The following PPP1R16B variants were observed in gnomAD, a reference collection of about 807,000 sequenced individuals.
PPP1R16B encodes protein phosphatase 1 regulatory inhibitor subunit 16B.
A neutral mutation model predicts 61.7 loss-of-function variants in PPP1R16B; 14 were observed. That is an observed-to-expected ratio of 0.23 (90% confidence interval 0.15 to 0.35). The LOEUF (loss-of-function observed/expected upper bound fraction) is 0.35, where lower values mean the gene tolerates loss of function less well. Ranked by LOEUF, PPP1R16B falls within the 10% of genes least tolerant of loss-of-function variation. The pLI, the probability that PPP1R16B is intolerant of heterozygous loss-of-function variation, is 1.00. For synonymous variants in PPP1R16B, 266 were observed against 305.3 expected, an observed-to-expected ratio of 0.87 and a Z score of 1.34; for missense variants, 547 against 752.5, an observed-to-expected ratio of 0.73 and a Z score of 3.19.
At chr20:38,901,256 C>A (rs1160828731) in intron 5 of PPP1R16B, among the ~76,000 whole-genome samples, 1 of 152,196 alleles carries the variant, frequency 6.6e-6, no homozygotes, top group Non-Finnish European at 1.5e-5. Flanking sequence ...CAGCTGCAGT[C>A]CTGCCCTGGC....
chr20:38,885,373 A>G (rs553584077), intron 2 of PPP1R16B, among the ~76,000 whole-genome samples: 3 of 152,154 alleles, frequency 2.0e-5, no homozygotes, highest in South Asian at 2.1e-4. Context: ...GAACTCTTCT[A>G]TCTTCAAGTA....
chr20:38,859,285 G>C (rs1295838461), intron 2 of PPP1R16B, among the ~76,000 whole-genome samples: 1 of 151,886 alleles, frequency 6.6e-6, no homozygotes, highest in East Asian at 1.9e-4. Context: ...GACTGCTAGT[G>C]CGGGTTCCTT....
At chr20:38,846,556 T>C (rs1314789166) in intron 2 of PPP1R16B, among the ~76,000 whole-genome samples, 1 of 152,246 alleles carries the variant, frequency 6.6e-6, no homozygotes, top group Non-Finnish European at 1.5e-5. Flanking sequence ...TATCTTTATA[T>C]ACTCTTTGGA....
chr20:38,917,220 C>T (rs1168457409), intron 10 of PPP1R16B, among the ~76,000 whole-genome samples: 9 of 150,768 alleles, frequency 6.0e-5, no homozygotes, highest in East Asian at 2.0e-4. Context: ...TGCTTGAACC[C>T]GGGAGGCAGA....
intron 2 of PPP1R16B, among the ~76,000 whole-genome samples, chr20:38,856,531 C>T (rs2085009980): frequency 6.6e-6 from 1 of 152,172 alleles, no homozygotes. Flanking sequence ...GCTCTCTCTT[C>T]TCTCAGCCCC....
intron 1 of PPP1R16B, among the ~76,000 whole-genome samples, chr20:38,833,047 C>CGATGCA (rs1462429028): frequency 6.6e-6 from 1 of 151,870 alleles, no homozygotes; most frequent in Non-Finnish European, 1.5e-5. Flanking sequence ...AAACTGGAAA[C>CGATGCA]GATGCAGATG....
At chr20:38,812,422 GA>G in intron 1 of PPP1R16B, among the ~76,000 whole-genome samples, 1 of 152,328 alleles carries the variant, frequency 6.6e-6, no homozygotes, top group Non-Finnish European at 1.5e-5. Flanking sequence ...ACAGCAATGT[GA>G]TAGGCCTTGG....
In PPP1R16B at chr20:38,907,337, GGATGGATGGATA is replaced by G. The variant is rs2085452254; in HGVS notation, c.898+286_898+297del. Reference sequence around the variant, plus strand: ...TGGATGGATGGATGGATGGATGGATGGATGGATGGATAGACAGAAAAATAAGTGGATGAGTGG... The same window carrying G: ...TGGATGGATGGATGGATGGATGGATGGACAGAAAAATAAGTGGATGAGTGG... On this transcript the variant is annotated intron_variant, in intron 8 of 10. Transcript: ENST00000299824. The surrounding 1 kb of genome is among the most constrained non-coding windows in gnomAD (Gnocchi z 4.5). 6.7e-6 allele frequency among the ~76,000 whole-genome samples: 1 copy of G among 150,046 alleles called. No individual in the cohort carries two copies. Among genetic ancestry groups the G allele is most frequent in the African/African-American group, 2.5e-5 (1 of 39,510 alleles).
rs2084695453 is a variant in PPP1R16B at position 38,810,723 on chromosome 20, C to CA, written c.-102+4932dup. Among the ~76,000 whole-genome samples the CA allele has an allele frequency of 2.6e-5, 4 of 152,258 alleles. No individual in the cohort carries two copies. The South Asian group carries it at 8.3e-4, about 32-fold the overall frequency. On this transcript the variant is annotated intron_variant, in intron 1 of 10. Transcript: ENST00000299824. Reference sequence around the variant, plus strand: ...TGTCAAAGGTCTTTACTTGCATCGCCATTGAATTCTCATACCAATCCGTTG... The same window carrying CA: ...TGTCAAAGGTCTTTACTTGCATCGCCAATTGAATTCTCATACCAATCCGTTG...
intron 2 of PPP1R16B, among the ~76,000 whole-genome samples, chr20:38,887,144 ATGAT>A: frequency 6.6e-6 from 1 of 152,210 alleles, no homozygotes; most frequent in South Asian, 2.1e-4. Flanking sequence ...GGATGGATGA[ATGAT>A]TGAGTCTCCC....
At chr20:38,866,129 A>G (rs1362508050) in intron 2 of PPP1R16B, among the ~76,000 whole-genome samples, 1 of 143,058 alleles carries the variant, frequency 7.0e-6, no homozygotes, top group Non-Finnish European at 1.5e-5. Context: ...TGTCTCGGAG[A>G]AAAAAAAAAT....
intron 1 of PPP1R16B, among the ~76,000 whole-genome samples, chr20:38,820,077 G>T (rs188137492): frequency 4.6e-5 from 7 of 152,276 alleles, no homozygotes; most frequent in Non-Finnish European, 8.8e-5. Context: ...CACTGTTTGC[G>T]AGAGTCATCC....
At chr20:38,855,933 TATATATATATAGAGAGAG>T (rs1338784603) in intron 2 of PPP1R16B, among the ~76,000 whole-genome samples, 3 of 48,330 alleles carry the variant, frequency 6.2e-5, no homozygotes, top group African/African-American at 3.6e-4. Flanking sequence ...TATATATATA[TATATATATATAGAGAGAG>T]AGAGAGAGAG....
chr20:38,908,243 G>T (rs1370670243), intron 10 of PPP1R16B, 50 bp downstream of exon 10: 3 of 1,605,732 alleles, frequency 1.9e-6, no homozygotes, highest in Non-Finnish European at 2.6e-6. Context: ...AATGGGAGGA[G>T]AACAGGGCCC....
chr20:38,859,268 G>A (rs369700099), intron 2 of PPP1R16B, among the ~76,000 whole-genome samples: 26 of 152,194 alleles, frequency 1.7e-4, no homozygotes, highest in African/African-American at 5.8e-4. Flanking sequence ...GGTGGGGAAC[G>A]GGGAGTGACT....
chr20:38,864,957 C>T (rs1341550226), intron 2 of PPP1R16B, among the ~76,000 whole-genome samples: 1 of 152,214 alleles, frequency 6.6e-6, no homozygotes, highest in Non-Finnish European at 1.5e-5. Flanking sequence ...GCTGGGAAAA[C>T]ACCATTAAAT....
At chr20:38,851,014 C>T (rs574117006) in intron 2 of PPP1R16B, among the ~76,000 whole-genome samples, 51 of 151,716 alleles carry the variant, frequency 3.4e-4, no homozygotes, top group Non-Finnish European at 6.3e-4. Flanking sequence ...AGAGATGCTG[C>T]CTGGGGCCAC....
At chr20:38,889,451 G>C (rs566944397) in intron 2 of PPP1R16B, 144 bp from the exon 3 acceptor site, 1 of 694,388 alleles carries the variant, frequency 1.4e-6, no homozygotes, top group Non-Finnish European at 2.6e-6. Context: ...GGAAATTCTG[G>C]GCGTCAGTTG....
At chr20:38,889,351 G>C (rs1014451010) in intron 2 of PPP1R16B, among the ~76,000 whole-genome samples, 1 of 152,234 alleles carries the variant, frequency 6.6e-6, no homozygotes, top group Non-Finnish European at 1.5e-5. Flanking sequence ...AACTTGCTTA[G>C]CTCAGTGCCT....
Sources: allele counts gnomAD v4.1 joint callset (sites outside exome capture counted in the v4.1 genomes callset), GRCh38; gene constraint gnomAD v4.1.1; non-coding constraint Gnocchi (gnomAD v3.1); transcripts MANE v1.5; gene names NCBI Gene and HGNC (gene_info 2026-07-23, HGNC 2026-07-21).